Variants in BLTP2 observed in about 807,000 individuals in gnomAD.
BLTP2 encodes the protein U937-associated antigen.
the BLTP2 span, chr17:28,617,049 T>C: frequency 7.1e-7 from 1 of 1,407,144 alleles, no homozygotes. Context: ...CTTCCTGCCA[T>C]AAAGCAACCC....
At chr17:28,615,899 T>C in the BLTP2 span, 58 of 1,302,038 alleles carry the variant, frequency 4.5e-5, no homozygotes, top group African/African-American at 7.0e-4. Context: ...AGTCCTACAA[T>C]AGTAACCTAC....
the BLTP2 span, chr17:28,637,827 C>T: frequency 1.3e-5 from 21 of 1,612,060 alleles, no homozygotes; most frequent in Non-Finnish European, 1.8e-5. Context: ...GACTCCTTGT[C>T]CCACTTACCA....
the BLTP2 span, chr17:28,624,050 T>C: frequency 7.0e-7 from 1 of 1,421,896 alleles, no homozygotes; most frequent in Non-Finnish European, 9.8e-7. Context: ...CAGCTAGGTC[T>C]AATGCTGGCT....
chr17:28,638,224 G>A, the BLTP2 span: 2 of 1,606,000 alleles, frequency 1.2e-6, no homozygotes, highest in East Asian at 2.2e-5. Context: ...AGCTGTGCAG[G>A]CCCCTATTCA....
the BLTP2 span, chr17:28,633,860 C>T: frequency 1.2e-6 from 2 of 1,610,148 alleles, no homozygotes; most frequent in East Asian, 2.2e-5. Context: ...TCACAAACGT[C>T]CCTCAGCCAA....
the BLTP2 span, chr17:28,643,957 A>C: frequency 7.0e-7 from 1 of 1,427,828 alleles, no homozygotes; most frequent in Non-Finnish European, 9.5e-7. Flanking sequence ...GGGATTAACT[A>C]GAAAAGCCAC....
At chr17:28,633,396 T>C in the BLTP2 span, 1 of 1,613,214 alleles carries the variant, frequency 6.2e-7, no homozygotes, top group Non-Finnish European at 8.5e-7. Flanking sequence ...TTGTGTTGTA[T>C]GGATCCTATG....
the BLTP2 span, chr17:28,642,207 G>A: frequency 1.2e-5 from 19 of 1,585,452 alleles, no homozygotes; most frequent in Admixed American, 2.8e-4. Flanking sequence ...TAGGATGTAA[G>A]CCCTAAGCTC....
the BLTP2 span, chr17:28,637,921 A>T: frequency 6.2e-7 from 1 of 1,614,224 alleles, no homozygotes. Flanking sequence ...CCCCAAATGA[A>T]GAGTGCCTAG....
At chr17:28,642,808 G>T in the BLTP2 span, 1 of 869,742 alleles carries the variant, frequency 1.1e-6, no homozygotes, top group Non-Finnish European at 2.0e-6. Context: ...TGATAAGGAG[G>T]CCCTGAAGCA....
chr17:28,645,159 G>A, the BLTP2 span: 2 of 913,244 alleles, frequency 2.2e-6, no homozygotes, highest in Non-Finnish European at 3.0e-6. Context: ...GCGCGCGCAG[G>A]AGCAACGCTG....
the BLTP2 span, chr17:28,615,249 G>A: frequency 2.5e-6 from 4 of 1,600,880 alleles, no homozygotes; most frequent in African/African-American, 5.4e-5. Context: ...TTGATTACCT[G>A]GCAGATTGGA....
At chr17:28,618,933 ATC>A in the BLTP2 span, 5 of 1,613,972 alleles carry the variant, frequency 3.1e-6, no homozygotes, top group Admixed American at 3.3e-5. Flanking sequence ...TCGCAGCTCC[ATC>A]TTGTTAGCCC....
chr17:28,625,504 A>C, the BLTP2 span, among the ~76,000 whole-genome samples: 4 of 152,202 alleles, frequency 2.6e-5, no homozygotes, highest in South Asian at 8.3e-4. Context: ...CATTATATTG[A>C]TACCTTACTA....
chr17:28,631,380 T>C, the BLTP2 span: 7 of 1,146,886 alleles, frequency 6.1e-6, no homozygotes, highest in Admixed American at 4.0e-5. Context: ...TTTTGTTGTA[T>C]AAACCTCCCA....
the BLTP2 span, among the ~76,000 whole-genome samples, chr17:28,626,416 T>C: frequency 6.6e-6 from 1 of 152,340 alleles, no homozygotes; most frequent in Non-Finnish European, 1.5e-5. Flanking sequence ...TCCTGGCATA[T>C]AAAATCTAAA....
the BLTP2 span, chr17:28,640,759 A>G: frequency 2.1e-6 from 3 of 1,424,792 alleles, no homozygotes; most frequent in South Asian, 2.4e-5. Flanking sequence ...CCTGGCCTCT[A>G]TGGTCAAATC....
the BLTP2 span, chr17:28,639,047 C>T: frequency 6.0e-6 from 3 of 500,658 alleles, no homozygotes; most frequent in Non-Finnish European, 1.1e-5. Context: ...CAAAGACATT[C>T]CTTATCATTT....
At chr17:28,633,536 T>C in the BLTP2 span, 4 of 1,613,422 alleles carry the variant, frequency 2.5e-6, no homozygotes, top group Admixed American at 6.7e-5. Context: ...AAAAGTATCA[T>C]GACACCCCTC....
Sources: allele counts gnomAD v4.1 joint callset (sites outside exome capture counted in the v4.1 genomes callset), GRCh38; gene constraint gnomAD v4.1.1; transcripts MANE v1.5; gene names NCBI Gene and HGNC (gene_info 2026-07-23, HGNC 2026-07-21).